The following CCDC7 variants were observed in gnomAD, a reference collection of about 807,000 sequenced individuals.
CCDC7 encodes coiled-coil domain-containing protein 7.
Under a neutral mutation model 196.9 loss-of-function variants are expected in CCDC7, and 183 were observed. The ratio of observed to expected loss-of-function variants is 0.93; its 90% CI spans 0.82 to 1.05. The LOEUF (loss-of-function observed/expected upper bound fraction) is 1.05. CCDC7 is among the 50% of genes least tolerant of loss of function. CCDC7 has a pLI of 0.00. For missense variants in CCDC7, 1,540 were observed against 1,482.2 expected, an observed-to-expected ratio of 1.04 and a Z score of -0.64; for synonymous variants, 525 against 484.6, an observed-to-expected ratio of 1.08 and a Z score of -1.10.
At chr10:32,784,370 A>G (rs1592718357) in intron 29 of CCDC7, among the ~76,000 whole-genome samples, 2 of 152,054 alleles carry the variant, frequency 1.3e-5, no homozygotes, top group Non-Finnish European at 2.9e-5. Context: ...CTAATGCTGT[A>G]CCGCACACCC....
intron 33 of CCDC7, among the ~76,000 whole-genome samples, chr10:32,835,630 T>A (rs1207530363): frequency 6.6e-6 from 1 of 151,938 alleles, no homozygotes; most frequent in Non-Finnish European, 1.5e-5. Flanking sequence ...GGGAGCTAAA[T>A]GATGAGAGCA....
intron 28 of CCDC7, among the ~76,000 whole-genome samples, chr10:32,736,376 T>C (rs2084871891): frequency 6.6e-6 from 1 of 152,172 alleles, no homozygotes; most frequent in Admixed American, 6.5e-5. Flanking sequence ...TTTTTTGTGG[T>C]TAATATTTTT....
chr10:32,615,354 T>G (rs1351546136), intron 18 of CCDC7, among the ~76,000 whole-genome samples: 1 of 152,226 alleles, frequency 6.6e-6, no homozygotes, highest in African/African-American at 2.4e-5. Flanking sequence ...GTTTTGACTT[T>G]TTAATAACAG....
intron 31 of CCDC7, among the ~76,000 whole-genome samples, chr10:32,819,680 G>A (rs1329257444): frequency 3.9e-5 from 6 of 152,100 alleles, no homozygotes; most frequent in African/African-American, 1.4e-4. Flanking sequence ...ATCAATAAAC[G>A]TGATCCAGCA....
chr10:32,638,849 C>A (rs1247380411), intron 20 of CCDC7, among the ~76,000 whole-genome samples: 1 of 152,152 alleles, frequency 6.6e-6, no homozygotes, highest in Non-Finnish European at 1.5e-5. Context: ...GGCTGTGAAT[C>A]CATCTGGTCC....
chr10:32,535,139 A>G (rs1403379501), intron 11 of CCDC7, among the ~76,000 whole-genome samples: 1 of 151,192 alleles, frequency 6.6e-6, no homozygotes, highest in Non-Finnish European at 1.5e-5. Context: ...CTCCGGGCAG[A>G]TGGTAGGAAA....
At chr10:32,451,881 A>C (rs891121473) in exon 1 of CCDC7, 5 of 1,612,248 alleles carry the variant, frequency 3.1e-6, no homozygotes, top group Non-Finnish European at 4.2e-6. Context: ...TTACTACCAG[A>C]AGATGAAATG....
At chr10:32,777,393 A>G (rs748580433) in intron 28 of CCDC7, among the ~76,000 whole-genome samples, 25 of 152,176 alleles carry the variant, frequency 1.6e-4, no homozygotes, top group Non-Finnish European at 3.2e-4. Context: ...TTGGGTATAT[A>G]GCCAGGAATG....
chr10:32,450,465 A>G (rs971876091), upstream of CCDC7, among the ~76,000 whole-genome samples: 1 of 152,152 alleles, frequency 6.6e-6, no homozygotes, highest in Non-Finnish European at 1.5e-5. Flanking sequence ...ACACATAACA[A>G]TGGGACAAGC....
chr10:32,654,617 G>C (rs893658165), intron 20 of CCDC7, among the ~76,000 whole-genome samples: 2 of 152,126 alleles, frequency 1.3e-5, no homozygotes, highest in South Asian at 2.1e-4. Flanking sequence ...TAAATGTATT[G>C]AATTGATGTC....
intron 9 of CCDC7, chr10:32,513,548 ATTTAT>A (rs1446259169): frequency 7.2e-5 from 11 of 152,162 alleles, no homozygotes; most frequent in South Asian, 2.1e-4. Context: ...TAAATATGAT[ATTTAT>A]TTTAAGAAGA....
upstream of CCDC7, chr10:32,451,502 A>G (rs1193845266): frequency 8.0e-7 from 1 of 1,255,384 alleles, no homozygotes; most frequent in Non-Finnish European, 1.1e-6. Flanking sequence ...CTCTGAGCAA[A>G]TTGCTAAAGC....
chr10:32,468,621 A>G (rs771789853), intron 5 of CCDC7, among the ~76,000 whole-genome samples: 15 of 152,168 alleles, frequency 9.9e-5, no homozygotes, highest in Non-Finnish European at 1.9e-4. Context: ...TACTGTGTTG[A>G]ATAGGAGTGC....
chr10:32,689,940 G>T (rs2076893641), intron 23 of CCDC7, among the ~76,000 whole-genome samples: 1 of 152,180 alleles, frequency 6.6e-6, no homozygotes, highest in Admixed American at 6.5e-5. Flanking sequence ...TCACCATGTT[G>T]GCCAGGCTGG....
intron 31 of CCDC7, among the ~76,000 whole-genome samples, chr10:32,820,984 A>G (rs1203858405): frequency 6.6e-6 from 1 of 152,192 alleles, no homozygotes; most frequent in East Asian, 1.9e-4. Context: ...ATTAAACTGA[A>G]GAGCTTCTGC....
intron 9 of CCDC7, chr10:32,514,184 G>A (rs1270079906): frequency 3.3e-5 from 5 of 152,116 alleles, no homozygotes; most frequent in African/African-American, 4.8e-5. Flanking sequence ...CTATACACTA[G>A]CTGTTATGGG....
intron 28 of CCDC7, among the ~76,000 whole-genome samples, chr10:32,776,231 T>G (rs938591611): frequency 6.0e-5 from 9 of 150,914 alleles, no homozygotes; most frequent in African/African-American, 1.9e-4. Flanking sequence ...TGTATACATA[T>G]GTAACTAACC....
chr10:32,845,172 A>G, intron 33 of CCDC7, 71 bp from the exon 35 acceptor site: 1 of 848,034 alleles, frequency 1.2e-6, no homozygotes, highest in South Asian at 1.9e-5. Context: ...CTATAATTAA[A>G]CACATACACA....
intron 2 of CCDC7, 32 bp downstream of exon 3, chr10:32,453,468 T>A (rs766238440): frequency 1.3e-5 from 18 of 1,368,812 alleles, no homozygotes; most frequent in Admixed American, 2.7e-5. Flanking sequence ...ATAGAGACAT[T>A]AACACTGAAA....
Sources: allele counts gnomAD v4.1 joint callset (sites outside exome capture counted in the v4.1 genomes callset), GRCh38; gene constraint gnomAD v4.1.1; transcripts MANE v1.5; gene names NCBI Gene and HGNC (gene_info 2026-07-23, HGNC 2026-07-21).